The following RANBP17 variants were observed in gnomAD, a reference collection of about 807,000 sequenced individuals.
RANBP17 encodes the protein ran-binding protein 17.
A neutral mutation model predicts 141.2 loss-of-function variants in RANBP17; 158 were observed. The ratio of observed to expected loss-of-function variants is 1.12; its 90% CI spans 0.98 to 1.28. RANBP17 has a LOEUF of 1.28. Ranked by LOEUF, RANBP17 falls within the 50% of genes most tolerant of loss-of-function variation. RANBP17 has a pLI of 0.00. For synonymous variants in RANBP17, 430 were observed against 450.0 expected (o/e 0.96, Z 0.56); for missense variants, 1,438 against 1,290.7 (o/e 1.11, Z -1.75).
At chr5:170,955,652 A>ATATATATATATATG (rs1775621558) in intron 13 of RANBP17, among the ~76,000 whole-genome samples, 1 of 32,908 alleles carries the variant, frequency 3.0e-5, no homozygotes, top group African/African-American at 1.1e-4. Context: ...CTCAGTGTAT[A>ATATATATATATATG]TATATATATA....
At position 171,074,535 on chromosome 5, in the gene RANBP17, G is replaced by GCTAA. The variant is rs1309929096; in HGVS notation, c.1711-95593_1711-95590dup. On this transcript the variant is annotated intron_variant, in intron 14 of 27. Coordinates refer to ENST00000523189, the MANE Select transcript of RANBP17 (RefSeq NM_022897.5). ...CAAATGTACCTTGATTATGGAAGAT[G>GCTAA]CTAACGTTAGGAGAAGCTCAATAGA... is the stretch of plus-strand genomic sequence containing the variant. 7.2e-5 allele frequency among the ~76,000 whole-genome samples: 11 copies of GCTAA among 152,264 alleles called. No individual in the cohort carries two copies. The East Asian group carries it at 1.5e-3, about 21-fold the overall frequency.
At chr5:171,176,171 G>A (rs575886547) in intron 16 of RANBP17, among the ~76,000 whole-genome samples, 1 of 152,180 alleles carries the variant, frequency 6.6e-6, no homozygotes, top group South Asian at 2.1e-4. Flanking sequence ...CCATCCATAT[G>A]CATGATAAAT....
intron 14 of RANBP17, among the ~76,000 whole-genome samples, chr5:171,014,640 T>C (rs1780311897): frequency 6.6e-6 from 1 of 152,058 alleles, no homozygotes; most frequent in African/African-American, 2.4e-5. Context: ...ATATACATTA[T>C]AAGCCTCATA....
intron 12 of RANBP17, among the ~76,000 whole-genome samples, chr5:170,942,562 T>C (rs1774414357): frequency 6.6e-6 from 1 of 152,056 alleles, no homozygotes; most frequent in African/African-American, 2.4e-5. Context: ...TAGGAATATA[T>C]GTATATGTGA....
intron 14 of RANBP17, among the ~76,000 whole-genome samples, chr5:170,975,421 C>T (rs1273690895): frequency 6.6e-6 from 1 of 152,156 alleles, no homozygotes; most frequent in Non-Finnish European, 1.5e-5. Context: ...CTCAACTACT[C>T]TGGAGGCTGA....
chr5:170,986,024 T>C lies in RANBP17; in HGVS notation c.1710+17647T>C, dbSNP rs944730745. ...GAAGCCAGAGGGAGTGAAAACAGAATAGTAATTTATAAATAAAGTTACCAT... is the reference window on the plus strand; with the variant it reads ...GAAGCCAGAGGGAGTGAAAACAGAACAGTAATTTATAAATAAAGTTACCAT... On this transcript the variant is annotated intron_variant, in intron 14 of 27. Transcript: ENST00000523189. Among the ~76,000 whole-genome samples the C allele has an allele frequency of 2.0e-5, 3 of 152,120 alleles. No homozygotes were observed. The East Asian group carries it at 5.8e-4, about 29-fold the overall frequency.
At chr5:171,295,733 T>C (rs1163199914) in intron 26 of RANBP17, among the ~76,000 whole-genome samples, 154 bp from the exon 27 acceptor site, 1 of 152,178 alleles carries the variant, frequency 6.6e-6, no homozygotes, top group Admixed American at 6.5e-5. Flanking sequence ...ATGGATTTTC[T>C]CTAAGGGCTT....
intron 14 of RANBP17, among the ~76,000 whole-genome samples, chr5:171,153,684 C>G (rs748590977): frequency 3.3e-5 from 5 of 152,108 alleles, no homozygotes; most frequent in Admixed American, 1.3e-4. Context: ...TAAGATAGGA[C>G]CAAGAGTTGC....
intron 1 of RANBP17, among the ~76,000 whole-genome samples, chr5:170,870,276 A>G (rs1053307184): frequency 5.9e-5 from 9 of 152,170 alleles, no homozygotes; most frequent in African/African-American, 2.2e-4. Flanking sequence ...ATAGGTATAC[A>G]TGTGCCGTGG....
Position 171,299,808 on chromosome 5 carries a change from A to T in RANBP17, c.*950A>T. The T allele has an allele frequency of 4.5e-6, 1 of 224,206 alleles. No individual in the cohort carries two copies. The highest frequency in any genetic ancestry group is 6.5e-5 in the East Asian group (1 of 15,412). 13.9% of individuals were successfully genotyped at this position (224,206 alleles called of 1,614,324 possible). ...GGATTCTGACTCACCCCAAACCCAG[A>T]ACATGAAGAAGACCTTTACAGTTTG... On this transcript the variant is annotated 3_prime_UTR_variant, in exon 28 of 28. Coordinates refer to ENST00000523189, the MANE Select transcript of RANBP17 (RefSeq NM_022897.5).
chr5:170,955,679 T>C (rs183146655), intron 13 of RANBP17, among the ~76,000 whole-genome samples: 2,279 of 28,326 alleles, frequency 0.08, 376 homozygotes, highest in Middle Eastern at 0.17. Context: ...TATATATATA[T>C]ATACACTGAA....
chr5:171,100,321 A>T (rs762674839), intron 14 of RANBP17, among the ~76,000 whole-genome samples: 10 of 152,142 alleles, frequency 6.6e-5, no homozygotes, highest in Admixed American at 6.5e-5. Flanking sequence ...TTCCTGGTTT[A>T]GTCTTGGGAA....
chr5:170,992,225 T>C (rs1009086281), intron 14 of RANBP17, among the ~76,000 whole-genome samples: 9 of 151,982 alleles, frequency 5.9e-5, no homozygotes, highest in Non-Finnish European at 1.3e-4. Context: ...TGCTATCCTT[T>C]TCGGGGGTAG....
chr5:171,026,263 C>T (rs900486820), intron 14 of RANBP17, among the ~76,000 whole-genome samples: 1 of 152,182 alleles, frequency 6.6e-6, no homozygotes, highest in African/African-American at 2.4e-5. Context: ...CCTTACAACA[C>T]CCTTACAATG....
intron 23 of RANBP17, 125 bp from the exon 24 acceptor site, chr5:171,242,557 T>C (rs1439156737): frequency 4.1e-6 from 4 of 978,116 alleles, no homozygotes; most frequent in Non-Finnish European, 6.2e-6. Flanking sequence ...TTGCTCTATA[T>C]ATTTATTGAC....
intron 14 of RANBP17, among the ~76,000 whole-genome samples, chr5:171,047,169 A>T: frequency 6.6e-6 from 1 of 151,678 alleles, no homozygotes; most frequent in East Asian, 1.9e-4. Flanking sequence ...GGTGCCCACC[A>T]CCACACCCAG....
intron 16 of RANBP17, among the ~76,000 whole-genome samples, chr5:171,179,885 A>G (rs1335986780): frequency 6.6e-6 from 1 of 152,172 alleles, no homozygotes; most frequent in African/African-American, 2.4e-5. Flanking sequence ...TGAATTGTGT[A>G]GTACTCCTGT....
In RANBP17 at chr5:171,213,649, CCTT is replaced by C; in HGVS notation, c.2255_2257del (p.Leu752del). On this transcript the variant is annotated inframe_deletion, in exon 21 of 28. Transcript: ENST00000523189. ...ATAAAAGGTACCCAACGTACCTTCC[CCTT>C]CTTCAGAATGCTGTTGAACGGTGGT... is the stretch of plus-strand genomic sequence containing the variant. 4 of 1,613,542 alleles carry C rather than the reference CCTT, an allele frequency of 2.5e-6. No homozygotes were observed. The highest frequency in any genetic ancestry group is 2.2e-5 in the East Asian group (1 of 44,870).
At chr5:171,220,446 T>TTA (rs1447291954) in intron 21 of RANBP17, among the ~76,000 whole-genome samples, 3 of 138,058 alleles carry the variant, frequency 2.2e-5, no homozygotes, top group African/African-American at 8.1e-5. Flanking sequence ...TGATTCTTTT[T>TTA]TTTTTTTTTT....
Sources: allele counts gnomAD v4.1 joint callset (sites outside exome capture counted in the v4.1 genomes callset), GRCh38; gene constraint gnomAD v4.1.1; transcripts MANE v1.5; gene names NCBI Gene and HGNC (gene_info 2026-07-23, HGNC 2026-07-21).